IL1RAPL2: variants seen among roughly 807,000 people sequenced by gnomAD.
IL1RAPL2 encodes the protein interleukin 1 receptor accessory protein like 2, also known as X-linked interleukin-1 receptor accessory protein-like 2.
In IL1RAPL2, 3 loss-of-function variants were observed where a neutral mutation model predicts 44.1. That is an observed-to-expected ratio of 0.07 (90% CI 0.03 to 0.18). The LOEUF is 0.18. Among genes scored for constraint, IL1RAPL2 ranks in the 10% least tolerant of loss-of-function variants. The pLI, the probability that IL1RAPL2 is intolerant of heterozygous loss-of-function variation, is 1.00. For missense variants in IL1RAPL2, 391 were observed against 496.4 expected, an observed-to-expected ratio of 0.79 and a Z score of 2.02; for synonymous variants, 181 against 178.8, an observed-to-expected ratio of 1.01 and a Z score of -0.10.
chrX:104,983,761 G>C (rs1208937615), intron 2 of IL1RAPL2, among the ~76,000 whole-genome samples: 1 of 103,864 alleles, frequency 9.6e-6, no homozygotes, highest in African/African-American at 3.5e-5. Context: ...TGATACTGTG[G>C]AATACTTTTC....
At chrX:104,974,019 C>A (rs2030286662) in intron 2 of IL1RAPL2, among the ~76,000 whole-genome samples, 1 of 111,281 alleles carries the variant, frequency 9.0e-6, no homozygotes, top group Admixed American at 9.6e-5. Context: ...TTCTTTTTTT[C>A]CAGTAAAGAA....
chrX:105,236,853 TTTA>T (rs1376346559), intron 4 of IL1RAPL2, among the ~76,000 whole-genome samples: 4 of 111,776 alleles, frequency 3.6e-5, no homozygotes, highest in Non-Finnish European at 7.5e-5. Context: ...AATTTTATTT[TTTA>T]TTATTATACT....
intron 4 of IL1RAPL2, among the ~76,000 whole-genome samples, chrX:105,266,918 C>A (rs750938992): frequency 1.8e-5 from 2 of 111,390 alleles, no homozygotes; most frequent in African/African-American, 6.5e-5. Context: ...AACTTCATTG[C>A]CAATATAAAA....
At chrX:104,881,946 A>C (rs181608193) in intron 2 of IL1RAPL2, among the ~76,000 whole-genome samples, 1 of 112,151 alleles carries the variant, frequency 8.9e-6, no homozygotes, top group East Asian at 2.8e-4. Context: ...GAGATAAAAT[A>C]AATGTTTAGT....
intron 5 of IL1RAPL2, among the ~76,000 whole-genome samples, chrX:105,370,216 A>C (rs1312639294): frequency 1.8e-5 from 2 of 111,544 alleles, no homozygotes; most frequent in Non-Finnish European, 3.8e-5. Context: ...ATAAATATTT[A>C]TTTTATCTTA....
intron 6 of IL1RAPL2, among the ~76,000 whole-genome samples, chrX:105,717,082 T>C (rs1220346166): frequency 8.9e-6 from 1 of 111,830 alleles, no homozygotes; most frequent in Non-Finnish European, 1.9e-5. Context: ...GTTGTGCCAC[T>C]GCACTCCAGC....
chrX:105,540,523 T>A (rs1414348279), intron 6 of IL1RAPL2, among the ~76,000 whole-genome samples: 1 of 108,999 alleles, frequency 9.2e-6, no homozygotes, highest in Non-Finnish European at 1.9e-5. Flanking sequence ...TGGGGACTAC[T>A]AGAGGGAAGA....
intron 2 of IL1RAPL2, among the ~76,000 whole-genome samples, chrX:104,853,693 G>A (rs1343026381): frequency 9.2e-6 from 1 of 109,168 alleles, no homozygotes; most frequent in Non-Finnish European, 1.9e-5. Flanking sequence ...CACGAGGTCA[G>A]GAGATCGAGA....
At chrX:104,836,985 G>A (rs982776025) in intron 2 of IL1RAPL2, among the ~76,000 whole-genome samples, 1 of 111,190 alleles carries the variant, frequency 9.0e-6, no homozygotes, top group African/African-American at 3.3e-5. Context: ...GTGAGAACAT[G>A]CGGTGTTTGG....
chrX:105,453,585 GC>G lies in IL1RAPL2; in HGVS notation c.698-30727del, dbSNP rs1421167462. Among the ~76,000 whole-genome samples the G allele has an allele frequency of 2.1e-4, 24 of 111,924 alleles. No individual in the cohort carries two copies. The South Asian group carries it at 8.9e-3, about 42-fold the overall frequency. ...GACTTTTTTTGCAATGCAATGTATT[GC>G]TTAACCATTGACTGGTAAACATTCA... On this transcript the variant is annotated intron_variant, in intron 5 of 10. Coordinates refer to ENST00000372582, the MANE Select transcript of IL1RAPL2 (RefSeq NM_017416.2).
At chrX:105,707,486 G>A (rs2147544895) in intron 6 of IL1RAPL2, among the ~76,000 whole-genome samples, 1 of 112,321 alleles carries the variant, frequency 8.9e-6, no homozygotes, top group South Asian at 3.6e-4. Context: ...GGAAATGAAA[G>A]TGAAATATAA....
chrX:104,881,340 TC>T, intron 2 of IL1RAPL2, among the ~76,000 whole-genome samples: 1 of 112,187 alleles, frequency 8.9e-6, no homozygotes, highest in East Asian at 2.8e-4. Context: ...TGGTCATTTT[TC>T]ATATTTATCT....
intron 2 of IL1RAPL2, among the ~76,000 whole-genome samples, chrX:104,766,922 A>G (rs2223268): frequency 0.36 from 40,168 of 111,128 alleles, 5,777 homozygotes; most frequent in East Asian, 0.46. Flanking sequence ...ACACATTTGC[A>G]GGGTGGCTGG....
intron 2 of IL1RAPL2, among the ~76,000 whole-genome samples, chrX:104,945,686 C>G (rs1013568793): frequency 1.8e-5 from 2 of 111,698 alleles, no homozygotes; most frequent in African/African-American, 3.3e-5. Flanking sequence ...ATAGTGTATA[C>G]GAATAATATA....
intron 6 of IL1RAPL2, among the ~76,000 whole-genome samples, chrX:105,669,022 G>T (rs2037794243): frequency 9.0e-6 from 1 of 111,286 alleles, no homozygotes; most frequent in African/African-American, 3.3e-5. Flanking sequence ...ACAGTCTGTG[G>T]GGTTAAAGAG....
At chrX:104,973,568 G>C (rs2030276506) in intron 2 of IL1RAPL2, among the ~76,000 whole-genome samples, 1 of 111,864 alleles carries the variant, frequency 8.9e-6, no homozygotes, top group African/African-American at 3.2e-5. Context: ...AAAAGAATTA[G>C]CTTACAGAAT....
At chrX:104,809,230 C>T (rs946998282) in intron 2 of IL1RAPL2, among the ~76,000 whole-genome samples, 5 of 111,820 alleles carry the variant, frequency 4.5e-5, no homozygotes, top group Non-Finnish European at 9.4e-5. Context: ...AGCCACATGG[C>T]TTACTTTGGT....
In IL1RAPL2 at chrX:105,162,610, T is replaced by C. The variant is rs767409021; in HGVS notation, c.83-32865T>C. On this transcript the variant is annotated intron_variant, in intron 2 of 10. Coordinates refer to ENST00000372582, the MANE Select transcript of IL1RAPL2 (RefSeq NM_017416.2). ...ATAAGAGAAATATAATGAGTGCTTT[T>C]TTATAAGCATTTATACATACACACG... is the stretch of plus-strand genomic sequence containing the variant. 4.4e-5 allele frequency among the ~76,000 whole-genome samples: 5 copies of C among 112,508 alleles called. No individual in the cohort carries two copies. The South Asian group carries it at 1.8e-3, about 41-fold the overall frequency.
chrX:105,524,437 G>A (rs1012585482), intron 6 of IL1RAPL2, among the ~76,000 whole-genome samples: 27 of 109,994 alleles, frequency 2.5e-4, no homozygotes, highest in Middle Eastern at 4.7e-3. Flanking sequence ...AAAAGCTGGG[G>A]GTGCAGTTAT....
Sources: gnomAD v4.1 joint callset for allele counts (sites outside exome capture counted in the v4.1 genomes callset) on GRCh38, gnomAD v4.1.1 for gene constraint, MANE v1.5 for transcripts, NCBI Gene and HGNC (gene_info 2026-07-23, HGNC 2026-07-21) for gene names.